PCGF5: variants seen among roughly 807,000 people sequenced by gnomAD.
The protein encoded by PCGF5 is polycomb group ring finger 5.
In PCGF5, 9 loss-of-function variants were observed where a neutral mutation model predicts 44.3. The observed-to-expected ratio is 0.20, with a 90% CI of 0.12 to 0.35. PCGF5 has a LOEUF of 0.35. Ranked by LOEUF, PCGF5 falls within the 10% of genes least tolerant of loss-of-function variation. The probability of loss-of-function intolerance (pLI) is 1.00; values close to 1 mark genes in which losing one functional copy is unlikely to be tolerated. For synonymous variants in PCGF5, 95 were observed against 102.5 expected (o/e 0.93, Z 0.44); for missense variants, 146 against 305.3 (o/e 0.48, Z 3.89).
upstream of PCGF5, among the ~76,000 whole-genome samples, chr10:91,218,731 C>G (rs990822215): frequency 5.9e-5 from 9 of 152,088 alleles, no homozygotes; most frequent in Non-Finnish European, 1.2e-4. Context: ...CTCCTAGGTT[C>G]AAGCGATTCT....
chr10:91,259,403 C>T (rs1044764516), intron 6 of PCGF5, among the ~76,000 whole-genome samples: 6 of 152,160 alleles, frequency 3.9e-5, no homozygotes, highest in African/African-American at 1.4e-4. Context: ...GCTGTGATAC[C>T]ATGTTTTAGA....
chr10:91,169,751 A>T (rs1404973050), intron 1 of PCGF5, among the ~76,000 whole-genome samples: 1 of 152,240 alleles, frequency 6.6e-6, no homozygotes, highest in African/African-American at 2.4e-5. Flanking sequence ...CCAGCAAGTT[A>T]TTTTGTAGAT....
intron 1 of PCGF5, among the ~76,000 whole-genome samples, chr10:91,184,910 T>A (rs1459563818): frequency 6.6e-6 from 1 of 152,158 alleles, no homozygotes; most frequent in Non-Finnish European, 1.5e-5. Context: ...CAGGGAGTTA[T>A]GGACCTGTTG....
At chr10:91,223,370 T>G (rs1005737780) in intron 2 of PCGF5, among the ~76,000 whole-genome samples, 1 of 152,204 alleles carries the variant, frequency 6.6e-6, no homozygotes, top group Non-Finnish European at 1.5e-5. Context: ...ATTCCTAGAC[T>G]AGCAGCACCA....
intron 2 of PCGF5, among the ~76,000 whole-genome samples, chr10:91,233,493 G>T (rs142605295): frequency 6.6e-6 from 1 of 152,304 alleles, no homozygotes; most frequent in Admixed American, 6.5e-5. Context: ...ATTGCAACTC[G>T]TGTAGGCCTT....
At chr10:91,158,312 A>G (rs1454902311), upstream of PCGF5, among the ~76,000 whole-genome samples, 4 of 152,222 alleles carry the variant, frequency 2.6e-5, no homozygotes, top group African/African-American at 4.8e-5. Context: ...CTTTAAATGT[A>G]CTTCATAATA....
chr10:91,174,610 A>G (rs1293709547), intron 1 of PCGF5, among the ~76,000 whole-genome samples: 2 of 152,254 alleles, frequency 1.3e-5, no homozygotes, highest in Non-Finnish European at 2.9e-5. Context: ...AAAATAGATT[A>G]AAAGTCTTGT....
At chr10:91,213,093 T>C (rs559265383) in intron 1 of PCGF5, among the ~76,000 whole-genome samples, 2 of 152,226 alleles carry the variant, frequency 1.3e-5, no homozygotes, top group Non-Finnish European at 2.9e-5. Context: ...AGTGTTCTTA[T>C]GTGCAGTTTA....
intron 1 of PCGF5, among the ~76,000 whole-genome samples, chr10:91,201,600 A>T (rs1309537693): frequency 1.3e-5 from 2 of 152,182 alleles, no homozygotes; most frequent in East Asian, 3.8e-4. Context: ...CTCCACCCAC[A>T]GCCCCTGAGG....
intron 9 of PCGF5, among the ~76,000 whole-genome samples, chr10:91,274,790 A>G (rs1351404989): frequency 6.6e-6 from 1 of 152,194 alleles, no homozygotes; most frequent in Non-Finnish European, 1.5e-5. Context: ...ACACACTGCA[A>G]AGGCCCTGAG....
intron 1 of PCGF5, 125 bp from the exon 2 acceptor site, chr10:91,222,564 T>C: frequency 2.2e-6 from 1 of 446,308 alleles, no homozygotes; most frequent in Non-Finnish European, 3.9e-6. Context: ...ATGAAGGATA[T>C]GTTCTATTCA....
intron 2 of PCGF5, among the ~76,000 whole-genome samples, chr10:91,230,927 T>G (rs189273850): frequency 1.3e-5 from 2 of 152,244 alleles, no homozygotes; most frequent in Admixed American, 1.3e-4. Flanking sequence ...CCAGCCTATT[T>G]ATTTTAGAGA....
At chr10:91,201,388 C>G (rs969604065) in intron 1 of PCGF5, among the ~76,000 whole-genome samples, 4 of 152,080 alleles carry the variant, frequency 2.6e-5, no homozygotes. Context: ...CTCCCAAAGC[C>G]CCACCTCTAA....
At chr10:91,182,140 C>T (rs1349849369) in intron 1 of PCGF5, among the ~76,000 whole-genome samples, 1 of 151,202 alleles carries the variant, frequency 6.6e-6, no homozygotes, top group East Asian at 1.9e-4. Context: ...CGGTAATGTC[C>T]CCCTTATCAT....
At position 91,222,852 on chromosome 10, in the gene PCGF5, C is replaced by G. The variant is rs1844718784; in HGVS notation, c.-20C>G. The G allele has an allele frequency of 6.7e-7, 1 of 1,488,558 alleles. No homozygotes were observed. Among genetic ancestry groups the G allele is most frequent in the East Asian group, 2.3e-5 (1 of 44,242 alleles). The allele number at this position is 1,488,558 out of a possible 1,614,324, so 92.2% of individuals were successfully genotyped here. The stretch of plus-strand genomic sequence containing the variant: ...CCCCTCTTTGCCCAGACTACTAAAG[C>G]CAGTCTTCACTAGCCACGAATGGCT... On this transcript the variant is annotated 5_prime_UTR_variant, in exon 2 of 10. Coordinates refer to ENST00000336126, the MANE Select transcript of PCGF5 (RefSeq NM_032373.5).
At chr10:91,251,547 A>C (rs373576888) in intron 6 of PCGF5, 107 bp downstream of exon 6, 82 of 1,032,684 alleles carry the variant, frequency 7.9e-5, no homozygotes, top group African/African-American at 4.8e-4. Context: ...TCAAAGTTTT[A>C]ATTAACATAA....
intron 9 of PCGF5, among the ~76,000 whole-genome samples, chr10:91,272,786 A>T (rs897223510): frequency 1.3e-5 from 2 of 152,126 alleles, no homozygotes; most frequent in Non-Finnish European, 2.9e-5. Context: ...CAAACAAATA[A>T]ATAATAAAAT....
chr10:91,271,766 C>T (rs1564658194), intron 9 of PCGF5, 69 bp downstream of exon 9: 4 of 1,317,598 alleles, frequency 3.0e-6, no homozygotes, highest in Non-Finnish European at 4.4e-6. Flanking sequence ...TCATCCCAAA[C>T]TCAATTCCTA....
intron 3 of PCGF5, among the ~76,000 whole-genome samples, 176 bp downstream of exon 3, chr10:91,240,756 T>C (rs1206444404): frequency 1.3e-5 from 2 of 151,926 alleles, no homozygotes; most frequent in Admixed American, 6.6e-5. Context: ...AAAAATAAGG[T>C]TTTACATCTT....
Sources: allele counts gnomAD v4.1 joint callset (sites outside exome capture counted in the v4.1 genomes callset), GRCh38; gene constraint gnomAD v4.1.1; transcripts MANE v1.5; gene names NCBI Gene and HGNC (gene_info 2026-07-23, HGNC 2026-07-21).